Variants in LUZP2 observed in about 807,000 individuals in gnomAD.
LUZP2 encodes the protein leucine zipper protein 2.
A neutral mutation model predicts 51.6 loss-of-function variants in LUZP2; 52 were observed. The ratio of observed to expected loss-of-function variants is 1.01; its 90% CI spans 0.81 to 1.27. The LOEUF (loss-of-function observed/expected upper bound fraction) is 1.27. Ranked by LOEUF, LUZP2 falls within the 50% of genes most tolerant of loss-of-function variation. The pLI is 0.00. For missense variants in LUZP2, 436 were observed against 395.4 expected (o/e 1.10, Z -0.87); for synonymous variants, 154 against 137.3 (o/e 1.12, Z -0.85).
At chr11:24,665,764 G>GAGTACATGGTACAGCAAAT (rs1261751695) in intron 1 of LUZP2, among the ~76,000 whole-genome samples, 2 of 152,094 alleles carry the variant, frequency 1.3e-5, no homozygotes, top group Non-Finnish European at 2.9e-5. Flanking sequence ...TTGTAAATTT[G>GAGTACATGGTACAGCAAAT]CTGAGTACCA....
chr11:24,915,191 G>C (rs1262231242), intron 7 of LUZP2, among the ~76,000 whole-genome samples: 1 of 152,088 alleles, frequency 6.6e-6, no homozygotes, highest in Non-Finnish European at 1.5e-5. Flanking sequence ...CTGTTCTACT[G>C]TAGGACTTTC....
At chr11:24,552,806 C>T (rs756729346) in intron 1 of LUZP2, among the ~76,000 whole-genome samples, 6 of 151,496 alleles carry the variant, frequency 4.0e-5, no homozygotes, top group Admixed American at 6.6e-5. Context: ...ATGATATATA[C>T]GCTGTTAGAT....
At chr11:24,546,313 A>G (rs560496397) in intron 1 of LUZP2, among the ~76,000 whole-genome samples, 107 of 152,026 alleles carry the variant, frequency 7.0e-4, no homozygotes, top group Admixed American at 2.7e-3. Context: ...AACTTCCAAG[A>G]CAATGTTGAA....
chr11:24,729,075 T>C lies in LUZP2; in HGVS notation c.63-94T>C, dbSNP rs73439100. 7.8e-3 allele frequency: 4,332 copies of C among 555,522 alleles called. 179 individuals carry two copies. The highest frequency in any genetic ancestry group is 0.076 in the African/African-American group (3,941 of 51,982). The allele number at this position is 555,522 out of a possible 1,614,324, so 34.4% of individuals were successfully genotyped here. On this transcript the variant is annotated intron_variant, in intron 1 of 11. Coordinates refer to ENST00000336930, the MANE Select transcript of LUZP2 (RefSeq NM_001009909.4). ...TCTTAGTAATTGAGGTTTTAACTTC[T>C]CTAGATTTCACTGAAACTGTGAGTG...
At chr11:24,497,388 C>G in intron 1 of LUZP2, 83 bp downstream of exon 1, 1 of 994,840 alleles carries the variant, frequency 1.0e-6, no homozygotes, top group Non-Finnish European at 1.4e-6. Context: ...CAGTGGGGGC[C>G]AAGGCACTTC....
chr11:25,003,803 G>T (rs1399476234), intron 9 of LUZP2, among the ~76,000 whole-genome samples: 1 of 152,064 alleles, frequency 6.6e-6, no homozygotes, highest in East Asian at 1.9e-4. Context: ...TGGGTAACTT[G>T]TTCCCCATAT....
intron 1 of LUZP2, among the ~76,000 whole-genome samples, chr11:24,648,606 G>A (rs1430099759): frequency 6.6e-6 from 1 of 151,986 alleles, no homozygotes; most frequent in Non-Finnish European, 1.5e-5. Flanking sequence ...GGAACCATAA[G>A]CCACTGCACA....
At chr11:24,818,901 T>C (rs1850271058) in intron 5 of LUZP2, among the ~76,000 whole-genome samples, 1 of 152,072 alleles carries the variant, frequency 6.6e-6, no homozygotes, top group African/African-American at 2.4e-5. Flanking sequence ...CCAAAAGCCA[T>C]ATCTGTTCTG....
intron 5 of LUZP2, among the ~76,000 whole-genome samples, chr11:24,813,409 C>T (rs979430214): frequency 6.6e-6 from 1 of 152,164 alleles, no homozygotes; most frequent in Non-Finnish European, 1.5e-5. Flanking sequence ...ACATCTACTT[C>T]TGCGGAGGCC....
intron 9 of LUZP2, among the ~76,000 whole-genome samples, chr11:24,993,396 A>G (rs1856408201): frequency 2.0e-5 from 3 of 152,202 alleles, no homozygotes; most frequent in Admixed American, 2.0e-4. Context: ...GGTTATTTAC[A>G]TCTTTCCTCT....
At chr11:24,947,135 A>C (rs148049330) in intron 7 of LUZP2, among the ~76,000 whole-genome samples, 1 of 152,036 alleles carries the variant, frequency 6.6e-6, no homozygotes, top group Non-Finnish European at 1.5e-5. Flanking sequence ...GTCAATTTCC[A>C]TATATTTTGT....
chr11:24,713,334 C>A (rs1483794533), intron 1 of LUZP2, among the ~76,000 whole-genome samples: 2 of 151,978 alleles, frequency 1.3e-5, no homozygotes, highest in African/African-American at 2.4e-5. Context: ...AATACCCTAG[C>A]GAAACCGAAT....
At chr11:24,970,604 A>G (rs1855713513) in intron 7 of LUZP2, among the ~76,000 whole-genome samples, 1 of 152,154 alleles carries the variant, frequency 6.6e-6, no homozygotes, top group Non-Finnish European at 1.5e-5. Flanking sequence ...AAATTTTATA[A>G]AATTATTCAC....
intron 1 of LUZP2, among the ~76,000 whole-genome samples, chr11:24,581,043 C>T (rs1037297043): frequency 6.6e-6 from 1 of 151,970 alleles, no homozygotes. Context: ...TTTCTCAAAG[C>T]TCTGAGGCAG....
intron 1 of LUZP2, among the ~76,000 whole-genome samples, chr11:24,634,522 T>C (rs1855007653): frequency 2.6e-5 from 4 of 152,066 alleles, no homozygotes; most frequent in Admixed American, 2.6e-4. Context: ...TTTTTCAAGA[T>C]CTCATTCCCT....
intron 7 of LUZP2, among the ~76,000 whole-genome samples, chr11:24,942,736 C>G (rs1252475990): frequency 6.6e-6 from 1 of 152,030 alleles, no homozygotes; most frequent in Non-Finnish European, 1.5e-5. Flanking sequence ...TTGATGAAGT[C>G]AAAATGATAC....
chr11:25,064,740 C>T (rs1157395917), intron 10 of LUZP2, among the ~76,000 whole-genome samples: 2 of 151,920 alleles, frequency 1.3e-5, no homozygotes, highest in East Asian at 3.9e-4. Flanking sequence ...CATGTTCTTT[C>T]CATTTTCCCA....
chr11:25,063,467 G>A (rs1235449536), intron 10 of LUZP2, among the ~76,000 whole-genome samples: 3 of 151,774 alleles, frequency 2.0e-5, no homozygotes, highest in East Asian at 1.9e-4. Flanking sequence ...AAGACAGAAA[G>A]GGAAAGAGAA....
intron 1 of LUZP2, among the ~76,000 whole-genome samples, chr11:24,636,982 A>G (rs574904004): frequency 6.6e-6 from 1 of 151,764 alleles, no homozygotes; most frequent in Non-Finnish European, 1.5e-5. Flanking sequence ...ATTAAAAACT[A>G]TCAGTGTTAA....
Sources: gnomAD v4.1 joint callset for allele counts (sites outside exome capture counted in the v4.1 genomes callset) on GRCh38, gnomAD v4.1.1 for gene constraint, MANE v1.5 for transcripts, NCBI Gene and HGNC (gene_info 2026-07-23, HGNC 2026-07-21) for gene names.